CDKL3: variants seen among roughly 807,000 people sequenced by gnomAD.
The protein encoded by CDKL3 is cyclin-dependent kinase-like 3.
In CDKL3, 65 loss-of-function variants were observed where a neutral mutation model predicts 69.3. The ratio of observed to expected loss-of-function variants is 0.94; its 90% CI spans 0.77 to 1.15. The LOEUF (loss-of-function observed/expected upper bound fraction) is 1.15. Ranked by LOEUF, CDKL3 falls within the 50% of genes most tolerant of loss-of-function variation. The pLI is 0.00. For synonymous variants in CDKL3, 202 were observed against 221.6 expected (o/e 0.91, Z 0.79); for missense variants, 652 against 689.2 (o/e 0.95, Z 0.61).
intron 3 of CDKL3, among the ~76,000 whole-genome samples, chr5:134,351,076 T>G (rs1753190319): frequency 6.6e-6 from 1 of 152,180 alleles, no homozygotes; most frequent in African/African-American, 2.4e-5. Flanking sequence ...ATCTACATTT[T>G]TCCTACATCC....
intron 4 of CDKL3, among the ~76,000 whole-genome samples, chr5:134,326,675 T>G (rs1192209747): frequency 1.3e-5 from 2 of 151,304 alleles, no homozygotes; most frequent in Non-Finnish European, 2.9e-5. Flanking sequence ...AGTTTCACTC[T>G]TGTTGCCCAG....
At chr5:134,371,115 C>CCGCG (rs1457331245), upstream of CDKL3, 1 of 234,494 alleles carries the variant, frequency 4.3e-6, no homozygotes, top group Non-Finnish European at 8.5e-6. Flanking sequence ...GTTGACAAGG[C>CCGCG]CGCGGGCAGT....
chr5:134,296,617 C>T (rs1316817376), downstream of CDKL3, among the ~76,000 whole-genome samples: 1 of 152,114 alleles, frequency 6.6e-6, no homozygotes, highest in African/African-American at 2.4e-5. Flanking sequence ...TATAAACTGG[C>T]TGAAACTTAC....
At chr5:134,341,302 TG>T (rs1268150297) in intron 4 of CDKL3, among the ~76,000 whole-genome samples, 2 of 152,214 alleles carry the variant, frequency 1.3e-5, no homozygotes, top group African/African-American at 4.8e-5. Flanking sequence ...TTGCCACTTC[TG>T]TTCAACATTG....
At chr5:134,284,917 TACAA>T (rs1163558536), downstream of CDKL3, among the ~76,000 whole-genome samples, 1 of 152,220 alleles carries the variant, frequency 6.6e-6, no homozygotes, top group African/African-American at 2.4e-5. Flanking sequence ...ACACACGTTT[TACAA>T]ACAATTTGTG....
intron 4 of CDKL3, among the ~76,000 whole-genome samples, chr5:134,344,532 C>T (rs1751330531): frequency 2.0e-5 from 3 of 152,162 alleles, no homozygotes; most frequent in Non-Finnish European, 2.9e-5. Context: ...AATAAGCACA[C>T]GCACACACAA....
intron 8 of CDKL3, among the ~76,000 whole-genome samples, chr5:134,289,498 A>G (rs1413136360): frequency 3.9e-5 from 6 of 152,204 alleles, no homozygotes; most frequent in Admixed American, 3.9e-4. Context: ...AAATGTGTAT[A>G]ATCTAGGTCT....
At chr5:134,324,455 A>G (rs945959225) in intron 4 of CDKL3, among the ~76,000 whole-genome samples, 3 of 152,210 alleles carry the variant, frequency 2.0e-5, no homozygotes, top group Non-Finnish European at 4.4e-5. Context: ...ATGTCCTTCA[A>G]TAGGTGAGTG....
At chr5:134,347,888 G>A (rs1752337551) in intron 4 of CDKL3, among the ~76,000 whole-genome samples, 1 of 152,050 alleles carries the variant, frequency 6.6e-6, no homozygotes, top group Non-Finnish European at 1.5e-5. Context: ...GAAACGGAGA[G>A]TTACAGTGGG....
chr5:134,363,872 C>G lies in CDKL3; in HGVS notation c.165+2487G>C, dbSNP rs764674941. Among the ~76,000 whole-genome samples the G allele has an allele frequency of 3.3e-5, 5 of 150,264 alleles. No homozygotes were observed. The Admixed American group carries it at 3.3e-4, about 10-fold the overall frequency. ...TTTCACAGGTCCAAGACAGGAAGAT[C>G]GCTTAAGCCCAGGTGATGGAGGCTG... is the stretch of plus-strand genomic sequence containing the variant. On this transcript the variant is annotated intron_variant, in intron 2 of 12. Transcript: ENST00000265334.
chr5:134,362,882 C>G (rs1430880709), intron 2 of CDKL3, among the ~76,000 whole-genome samples: 1 of 152,018 alleles, frequency 6.6e-6, no homozygotes, highest in Non-Finnish European at 1.5e-5. Context: ...GAGCCAGGAT[C>G]GTGCCACTGC....
intron 2 of CDKL3, among the ~76,000 whole-genome samples, chr5:134,365,221 GA>G (rs1757122010): frequency 6.6e-6 from 1 of 151,878 alleles, no homozygotes; most frequent in Non-Finnish European, 1.5e-5. Context: ...CTGACCTCGT[GA>G]TCCACCCGCC....
chr5:134,371,585 A>T, upstream of CDKL3: 4 of 1,611,188 alleles, frequency 2.5e-6, no homozygotes, highest in Non-Finnish European at 3.4e-6. Context: ...ACCGCGGGGC[A>T]GCTGCGGAGC....
chr5:134,350,206 G>T, intron 4 of CDKL3, 43 bp downstream of exon 4: 1 of 1,424,284 alleles, frequency 7.0e-7, no homozygotes, highest in South Asian at 1.4e-5. Context: ...AACAAAAAAA[G>T]AGATACCTAG....
chr5:134,350,889 A>T (rs1753136560), intron 3 of CDKL3, among the ~76,000 whole-genome samples: 1 of 152,030 alleles, frequency 6.6e-6, no homozygotes, highest in Non-Finnish European at 1.5e-5. Flanking sequence ...AACTTATTGA[A>T]ATTTTACTTT....
At chr5:134,285,837 C>A (rs1764836591), downstream of CDKL3, among the ~76,000 whole-genome samples, 1 of 152,160 alleles carries the variant, frequency 6.6e-6, no homozygotes. Context: ...GAAATTTCTT[C>A]CACCAGTTGG....
rs1766639529 is a variant in CDKL3 at position 134,302,670 on chromosome 5, G to A, written c.1639C>T (p.Leu547=). ...TCTGTTTTCTTTGACTCCCTCTTCA[G>A]CATTTTTATCTGTTTAACTTTTGCA... The part of the protein sequence containing the change: ...KGMEVKQIKM[L]KRESKKTESS... The change falls in exon 12 of 13, where the codon CTG becomes TTG. Residue 547 remains leucine (L), a synonymous_variant. Transcript: ENST00000265334. 1.3e-6 allele frequency: 2 copies of A among 1,591,172 alleles called. No homozygotes were observed. Among genetic ancestry groups the A allele is most frequent in the East Asian group, 2.3e-5 (1 of 44,104 alleles).
At chr5:134,324,568 T>C (rs1561556478) in intron 4 of CDKL3, among the ~76,000 whole-genome samples, 1 of 152,116 alleles carries the variant, frequency 6.6e-6, no homozygotes, top group Non-Finnish European at 1.5e-5. Context: ...CTTAAATATA[T>C]ATTGCTAGGT....
chr5:134,350,371 A>G lies in CDKL3; in HGVS notation c.417T>C (p.Thr139=). 1.3e-6 allele frequency: 2 copies of G among 1,582,306 alleles called. No individual in the cohort carries two copies. Among genetic ancestry groups the G allele is most frequent in the Non-Finnish European group, 1.7e-6 (2 of 1,163,328 alleles). Residue 139 remains threonine, a synonymous_variant, in exon 4 of 13, where the codon ACT becomes ACC. Transcript: ENST00000265334. ...ENILVSQSGI[T]KLCDFGFART... ...GTGCAAAACCAAAATCACAGAGCTT[A>G]GTAATTCCTGACTGGGATACTAAAA...
Sources: allele counts gnomAD v4.1 joint callset (sites outside exome capture counted in the v4.1 genomes callset), GRCh38; gene constraint gnomAD v4.1.1; transcripts MANE v1.5; gene names NCBI Gene and HGNC (gene_info 2026-07-23, HGNC 2026-07-21).